Variants in RPP30 observed in about 807,000 individuals in gnomAD.
RPP30 encodes ribonuclease P/MRP subunit p30.
A neutral mutation model predicts 38.6 loss-of-function variants in RPP30; 36 were observed. The observed-to-expected ratio is 0.93, with a 90% CI of 0.71 to 1.23. RPP30 has a LOEUF of 1.23. RPP30 is among the 50% of genes most tolerant of loss of function. RPP30 has a pLI of 0.00. For missense variants in RPP30, 321 were observed against 321.7 expected, an observed-to-expected ratio of 1.00 and a Z score of 0.02; for synonymous variants, 126 against 112.7, an observed-to-expected ratio of 1.12 and a Z score of -0.75.
At chr10:90,874,978 G>GT in intron 2 of RPP30, 54 bp downstream of exon 2, 1 of 1,118,892 alleles carries the variant, frequency 8.9e-7, no homozygotes. Flanking sequence ...TTGTAATTCT[G>GT]TTTGTATTGG....
chr10:90,887,317 A>G (rs1404961299), intron 6 of RPP30, among the ~76,000 whole-genome samples: 2 of 152,100 alleles, frequency 1.3e-5, no homozygotes, highest in African/African-American at 4.8e-5. Flanking sequence ...CCCTAAAAAT[A>G]TGCTACTCAA....
At chr10:90,908,049 A>G (rs893296509), downstream of RPP30, among the ~76,000 whole-genome samples, 10 of 152,222 alleles carry the variant, frequency 6.6e-5, no homozygotes, top group African/African-American at 1.9e-4. Flanking sequence ...ACTGTAGGCA[A>G]CTATAACACA....
intron 1 of RPP30, 133 bp downstream of exon 1, chr10:90,872,201 GC>G: frequency 1.3e-6 from 1 of 749,738 alleles, no homozygotes; most frequent in Non-Finnish European, 2.3e-6. Flanking sequence ...GGAGGCTGAT[GC>G]CCGCCGAGGT....
At chr10:90,879,598 G>A (rs1846897330) in intron 5 of RPP30, among the ~76,000 whole-genome samples, 1 of 152,188 alleles carries the variant, frequency 6.6e-6, no homozygotes, top group Non-Finnish European at 1.5e-5. Context: ...CAGCATGATT[G>A]TCTCAGCTTT....
intron 9 of RPP30, 24 bp downstream of exon 9, chr10:90,895,941 T>G: frequency 6.4e-7 from 1 of 1,574,012 alleles, no homozygotes; most frequent in Non-Finnish European, 8.7e-7. Flanking sequence ...AGTAAAAAGT[T>G]GTTGACATTG....
intron 6 of RPP30, among the ~76,000 whole-genome samples, chr10:90,894,293 G>C (rs1288219058): frequency 6.6e-6 from 1 of 152,124 alleles, no homozygotes; most frequent in African/African-American, 2.4e-5. Flanking sequence ...AACATATAGA[G>C]AATAAATTAC....
At chr10:90,893,362 C>T (rs10509613) in intron 6 of RPP30, among the ~76,000 whole-genome samples, 56,187 of 151,968 alleles carry the variant, frequency 0.37, 12,061 homozygotes, top group Non-Finnish European at 0.47. Context: ...AACTTATACT[C>T]TGGGCAATCG....
intron 5 of RPP30, among the ~76,000 whole-genome samples, chr10:90,882,666 G>C (rs895797392): frequency 6.7e-6 from 1 of 150,340 alleles, no homozygotes; most frequent in South Asian, 2.1e-4. Context: ...CCGTCTCAAA[G>C]AAAAAAGTAA....
chr10:90,905,059 C>T (rs1321543413), downstream of RPP30, among the ~76,000 whole-genome samples: 1 of 152,110 alleles, frequency 6.6e-6, no homozygotes, highest in African/African-American at 2.4e-5. Flanking sequence ...CGAGCATGGT[C>T]ATCAAAGCCA....
At chr10:90,877,932 A>G (rs1846873009) in intron 4 of RPP30, among the ~76,000 whole-genome samples, 1 of 152,210 alleles carries the variant, frequency 6.6e-6, no homozygotes, top group Non-Finnish European at 1.5e-5. Context: ...TCCATCATAT[A>G]ATAGAAGTAA....
intron 10 of RPP30, among the ~76,000 whole-genome samples, chr10:90,896,810 A>G (rs945704458): frequency 4.6e-5 from 7 of 152,250 alleles, no homozygotes; most frequent in African/African-American, 1.7e-4. Context: ...TTAAAAATCC[A>G]ACTAACAAAA....
chr10:90,875,294 T>C (rs1846836893), intron 2 of RPP30, among the ~76,000 whole-genome samples: 1 of 152,236 alleles, frequency 6.6e-6, no homozygotes, highest in Non-Finnish European at 1.5e-5. Context: ...TATATTTCTC[T>C]TTAGGCCAAC....
chr10:90,876,152 A>G, intron 4 of RPP30, 54 bp downstream of exon 4: 1 of 1,076,370 alleles, frequency 9.3e-7, no homozygotes, highest in Non-Finnish European at 1.4e-6. Context: ...GTATTGATTA[A>G]TGTTGAACAA....
At chr10:90,880,859 A>G (rs1383737616) in intron 5 of RPP30, among the ~76,000 whole-genome samples, 1 of 152,178 alleles carries the variant, frequency 6.6e-6, no homozygotes, top group Non-Finnish European at 1.5e-5. Flanking sequence ...AGCCCTCACC[A>G]CTGGAGACTT....
At chr10:90,888,703 C>A (rs1053408618) in intron 6 of RPP30, among the ~76,000 whole-genome samples, 2 of 152,098 alleles carry the variant, frequency 1.3e-5, no homozygotes, top group Admixed American at 6.5e-5. Context: ...CAGTTGACAC[C>A]AGGACACCCC....
chr10:90,881,903 G>C (rs1024684016), intron 5 of RPP30, among the ~76,000 whole-genome samples: 8 of 152,164 alleles, frequency 5.3e-5, no homozygotes, highest in Admixed American at 5.2e-4. Context: ...TATGTCAATA[G>C]TAGTATAAAA....
At chr10:90,905,609 A>C (rs1457526151), downstream of RPP30, 1 of 152,252 alleles carries the variant, frequency 6.6e-6, no homozygotes, top group Non-Finnish European at 1.5e-5. Flanking sequence ...CTGACTTAGA[A>C]AATTGGACAA....
chr10:90,872,448 T>G (rs1589491864), intron 1 of RPP30, among the ~76,000 whole-genome samples: 2 of 96,916 alleles, frequency 2.1e-5, no homozygotes, highest in South Asian at 7.1e-4. Context: ...AATACTGGAA[T>G]TTGGGGCACG....
intron 10 of RPP30, 25 bp from the exon 11 acceptor site, chr10:90,900,545 A>G (rs1224177124): frequency 1.3e-6 from 2 of 1,599,950 alleles, no homozygotes; most frequent in Middle Eastern, 1.7e-4. Context: ...CTTCAAGCAC[A>G]GTGGTTTCCC....
Sources: gnomAD v4.1 joint callset for allele counts (sites outside exome capture counted in the v4.1 genomes callset) on GRCh38, gnomAD v4.1.1 for gene constraint, MANE v1.5 for transcripts, NCBI Gene and HGNC (gene_info 2026-07-23, HGNC 2026-07-21) for gene names.